The following ANKRD27 variants were observed in gnomAD, a reference collection of about 807,000 sequenced individuals.
The protein encoded by ANKRD27 is ankyrin repeat domain-containing protein 27.
In ANKRD27, 112 loss-of-function variants were observed where a neutral mutation model predicts 129.7. That is an observed-to-expected ratio of 0.86 (90% CI 0.74 to 1.01). ANKRD27 has a LOEUF of 1.01. Ranked by LOEUF, ANKRD27 falls within the 50% of genes least tolerant of loss-of-function variation. The probability of loss-of-function intolerance (pLI) is 0.00; values close to 1 mark genes in which losing one functional copy is unlikely to be tolerated. For synonymous variants in ANKRD27, 516 were observed against 511.2 expected, an observed-to-expected ratio of 1.01 and a Z score of -0.13; for missense variants, 1,258 against 1,300.5, an observed-to-expected ratio of 0.97 and a Z score of 0.50.
Position 32,617,180 on chromosome 19 carries a change from G to A in ANKRD27, c.2052+409C>T, listed in dbSNP as rs925151179. On this transcript the variant is annotated intron_variant, in intron 21 of 28. Transcript: ENST00000306065. ...CACAAAATCAGAGTCCACATGGCCC[G>A]AAACTGAACCGGAGACAAGAAACAC... Among the ~76,000 whole-genome samples, 4 of 152,128 alleles carry A rather than the reference G, an allele frequency of 2.6e-5. 1 individual carries two copies. The highest frequency in any genetic ancestry group is 5.9e-5 in the Non-Finnish European group (4 of 68,040).
chr19:32,615,094 C>A (rs144443531), intron 22 of ANKRD27, among the ~76,000 whole-genome samples: 1 of 152,164 alleles, frequency 6.6e-6, no homozygotes, highest in Non-Finnish European at 1.5e-5. Flanking sequence ...TAAGCTCCTG[C>A]CACGGGACTC....
Position 32,644,558 on chromosome 19 carries a change from C to A in ANKRD27, c.371-79G>T, listed in dbSNP as rs942638274. On this transcript the variant is annotated intron_variant, in intron 4 of 28. Coordinates refer to ENST00000306065, the MANE Select transcript of ANKRD27 (RefSeq NM_032139.3). The stretch of plus-strand genomic sequence containing the variant: ...TCTGTCCTATCCTACAGGGCCTAGG[C>A]CCTCTGGGGAGGAGGGCAAATGTCC... 2.7e-6 allele frequency: 4 copies of A among 1,507,334 alleles called. No individual in the cohort carries two copies. In the African/African-American group the frequency reaches 4.2e-5, roughly 16 times the overall value. 93.4% of individuals were successfully genotyped at this position (1,507,334 alleles called of 1,614,324 possible).
At chr19:32,653,931 C>A (rs1262415140) in intron 2 of ANKRD27, among the ~76,000 whole-genome samples, 7 of 152,136 alleles carry the variant, frequency 4.6e-5, no homozygotes, top group Admixed American at 4.6e-4. Flanking sequence ...GACAGAGTCT[C>A]GTTCTGCTGC....
At chr19:32,671,751 T>C (rs1171946287) in intron 1 of ANKRD27, among the ~76,000 whole-genome samples, 2 of 152,272 alleles carry the variant, frequency 1.3e-5, no homozygotes, top group Middle Eastern at 3.4e-3. Context: ...GCAAAGAAAA[T>C]GGACTTTTTC....
intron 2 of ANKRD27, among the ~76,000 whole-genome samples, chr19:32,656,531 A>T (rs2839726): frequency 0.1 from 15,537 of 152,174 alleles, 2,522 homozygotes; most frequent in African/African-American, 0.34. Context: ...TCATGCCTGT[A>T]ATCCCAGCAC....
chr19:32,604,617 C>T (rs1043152542), intron 24 of ANKRD27, among the ~76,000 whole-genome samples, 193 bp from the exon 25 acceptor site: 2 of 152,038 alleles, frequency 1.3e-5, no homozygotes, highest in Non-Finnish European at 2.9e-5. Context: ...AGCATTTATC[C>T]TAATAGCAGA....
rs972927424 is a variant in ANKRD27, at chr19:32,675,095, C to T, written c.-55G>A. The T allele has an allele frequency of 6.6e-6, 1 of 152,308 alleles. No homozygotes were observed. The highest frequency in any genetic ancestry group is 2.4e-5 in the African/African-American group (1 of 41,460). The allele number at this position is 152,308 out of a possible 1,614,324, so 9.4% of individuals were successfully genotyped here. On this transcript the variant is annotated 5_prime_UTR_variant, in exon 1 of 29. It introduces an in-frame stop codon into an upstream open reading frame of the 5' UTR. Coordinates refer to ENST00000306065, the MANE Select transcript of ANKRD27 (RefSeq NM_032139.3). The stretch of plus-strand genomic sequence containing the variant: ...CTTAAAAGGCTACATCGCTTCATTC[C>T]CAGCCCATCCTGGGCGACGGCGGCA...
chr19:32,599,826 C>T (rs1359164437), intron 27 of ANKRD27, 50 bp from the exon 28 acceptor site: 1 of 1,596,828 alleles, frequency 6.3e-7, no homozygotes, highest in Non-Finnish European at 8.6e-7. Flanking sequence ...TGGCATGAAA[C>T]ACTCTGGTTG....
chr19:32,668,411 G>T (rs931973137), intron 1 of ANKRD27, among the ~76,000 whole-genome samples: 2 of 151,318 alleles, frequency 1.3e-5, no homozygotes, highest in African/African-American at 4.9e-5. Context: ...TGAGCCTCCT[G>T]CCCTGGCCTC....
chr19:32,656,106 A>AGAAAG (rs1568417796), intron 2 of ANKRD27, among the ~76,000 whole-genome samples: 10 of 123,952 alleles, frequency 8.1e-5, no homozygotes, highest in South Asian at 2.8e-4. Flanking sequence ...AAAGAAAGAA[A>AGAAAG]GAAAAGAAAA....
chr19:32,669,368 T>C (rs1019416043), intron 1 of ANKRD27, among the ~76,000 whole-genome samples: 27 of 152,216 alleles, frequency 1.8e-4, no homozygotes, highest in African/African-American at 6.0e-4. Context: ...TAAATTCACT[T>C]ATTACTGGAG....
chr19:32,604,634 A>G (rs537866154), intron 24 of ANKRD27, among the ~76,000 whole-genome samples: 1 of 152,028 alleles, frequency 6.6e-6, no homozygotes, highest in East Asian at 1.9e-4. Flanking sequence ...CAGAGAAAAC[A>G]GAAGCCACTT....
In ANKRD27 at chr19:32,607,751, G is replaced by A. The variant is rs909698705; in HGVS notation, c.2257C>T (p.Leu753=). 1.9e-6 allele frequency: 3 copies of A among 1,612,962 alleles called. No individual in the cohort carries two copies. Among genetic ancestry groups the A allele is most frequent in the Non-Finnish European group, 2.5e-6 (3 of 1,179,698 alleles). The stretch of plus-strand genomic sequence containing the variant: ...GGGATGAGGTCCGCCCGGCCGTGCA[G>A]GGCGGCGACATGCAGCGGGGAGGAG... ...DGSSPLHVAA[L]HGRADLIPLL... The change falls in exon 23 of 29, where the codon CTG becomes TTG. Residue 753 remains leucine (L), a synonymous_variant. Transcript: ENST00000306065.
intron 12 of ANKRD27, among the ~76,000 whole-genome samples, chr19:32,632,576 C>T (rs552334314): frequency 2.0e-5 from 2 of 99,082 alleles, no homozygotes; most frequent in African/African-American, 4.4e-5. Flanking sequence ...CAGAGCAAGA[C>T]TCCATCTCAA....
chr19:32,643,675 G>A (rs1967246313), intron 5 of ANKRD27, 44 bp from the exon 6 acceptor site: 2 of 1,603,568 alleles, frequency 1.2e-6, no homozygotes, highest in South Asian at 2.2e-5. Flanking sequence ...TTACCAGCAA[G>A]GCCATGACGG....
chr19:32,663,780 G>C (rs574055927), intron 1 of ANKRD27, among the ~76,000 whole-genome samples: 2 of 152,234 alleles, frequency 1.3e-5, no homozygotes, highest in Non-Finnish European at 2.9e-5. Context: ...TAGGGGGCCG[G>C]GTGTGGTGGC....
At chr19:32,641,074 T>C (rs577807527) in intron 10 of ANKRD27, among the ~76,000 whole-genome samples, 1 of 152,066 alleles carries the variant, frequency 6.6e-6, no homozygotes, top group Admixed American at 6.6e-5. Context: ...AATTTTTTTT[T>C]GCATTTTTAG....
chr19:32,665,413 C>T (rs1317571994), intron 1 of ANKRD27, among the ~76,000 whole-genome samples: 1 of 151,520 alleles, frequency 6.6e-6, no homozygotes, highest in Non-Finnish European at 1.5e-5. Context: ...CCTCAGCCTC[C>T]CAAGTAGCTG....
chr19:32,674,635 G>A (rs899281467), intron 1 of ANKRD27, among the ~76,000 whole-genome samples: 7 of 152,032 alleles, frequency 4.6e-5, no homozygotes, highest in Non-Finnish European at 8.8e-5. Flanking sequence ...ATCACCCCCC[G>A]GAAACCACAA....
Sources: gnomAD v4.1 joint callset for allele counts (sites outside exome capture counted in the v4.1 genomes callset) on GRCh38, gnomAD v4.1.1 for gene constraint, MANE v1.5 for transcripts, NCBI Gene and HGNC (gene_info 2026-07-23, HGNC 2026-07-21) for gene names.